Variants in ZBTB32 observed in about 807,000 individuals in gnomAD.
ZBTB32 encodes zinc finger and BTB domain-containing protein 32.
Under a neutral mutation model 45.3 loss-of-function variants are expected in ZBTB32, and 28 were observed. The observed-to-expected ratio is 0.62, with a 90% CI of 0.46 to 0.85. The LOEUF is 0.85. Among genes scored for constraint, ZBTB32 ranks in the 40% least tolerant of loss-of-function variants. The pLI, the probability that ZBTB32 is intolerant of heterozygous loss-of-function variation, is 0.00. For missense variants in ZBTB32, 587 were observed against 624.4 expected, an observed-to-expected ratio of 0.94 and a Z score of 0.64; for synonymous variants, 283 against 255.7, an observed-to-expected ratio of 1.11 and a Z score of -1.02.
chr19:35,707,663 C>A (rs1444839161), intron 1 of ZBTB32, among the ~76,000 whole-genome samples: 1 of 152,034 alleles, frequency 6.6e-6, no homozygotes, highest in South Asian at 2.1e-4. Context: ...CCACCGCACC[C>A]GGCCTGTGTC....
At chr19:35,710,299 T>C (rs1968653507) in intron 1 of ZBTB32, among the ~76,000 whole-genome samples, 1 of 152,196 alleles carries the variant, frequency 6.6e-6, no homozygotes, top group African/African-American at 2.4e-5. Flanking sequence ...CTTCCAATCA[T>C]GCCCTACCTA....
intron 2 of ZBTB32, 66 bp from the exon 3 acceptor site, chr19:35,714,457 C>T: frequency 1.6e-6 from 1 of 626,746 alleles, no homozygotes; most frequent in Non-Finnish European, 2.5e-6. Context: ...ACTTTATTTG[C>T]TCACTCAGGA....
At position 35,716,849 on chromosome 19, in the gene ZBTB32, C is replaced by T; in HGVS notation, c.*97C>T. 6.9e-7 allele frequency: 1 copy of T among 1,445,154 alleles called. No individual in the cohort carries two copies. The highest frequency in any genetic ancestry group is 1.4e-5 in the African/African-American group (1 of 70,952). The allele number at this position is 1,445,154 out of a possible 1,614,324, so 89.5% of individuals were successfully genotyped here. ...TGGCACCGCTGCTACGGCGGCCTAG[C>T]AAATTCCGCCCCAGAAGCGCCCCAG... On this transcript the variant is annotated 3_prime_UTR_variant, in exon 7 of 7. Coordinates refer to ENST00000392197, the MANE Select transcript of ZBTB32 (RefSeq NM_014383.3).
In ZBTB32 at chr19:35,716,310, T is replaced by A; in HGVS notation, c.1189+13T>A. 6.2e-7 allele frequency: 1 copy of A among 1,613,166 alleles called. No homozygotes were observed. Among genetic ancestry groups the A allele is most frequent in the Non-Finnish European group, 8.5e-7 (1 of 1,179,664 alleles). On this transcript the variant is annotated intron_variant, in intron 6 of 6. Transcript: ENST00000392197. ...CGAGTCCACACAGGTATGGGCGCCC[T>A]GCCCTGTGTGAACTGTCGGCTTTCT...
At chr19:35,711,963 C>G (rs1461535108) in intron 1 of ZBTB32, among the ~76,000 whole-genome samples, 2 of 137,974 alleles carry the variant, frequency 1.4e-5, no homozygotes, top group African/African-American at 5.6e-5. Context: ...AGGCAGAGGT[C>G]GCAGTGAGCT....
intron 2 of ZBTB32, chr19:35,714,283 C>T (rs908010651): frequency 3.5e-5 from 7 of 202,296 alleles, no homozygotes; most frequent in African/African-American, 1.6e-4. Flanking sequence ...CAGAGACTGC[C>T]AACTGGCAGA....
intron 1 of ZBTB32, among the ~76,000 whole-genome samples, chr19:35,707,446 T>G (rs1806093286): frequency 6.8e-6 from 1 of 147,796 alleles, no homozygotes; most frequent in Non-Finnish European, 1.5e-5. Flanking sequence ...CTTGGCTCAC[T>G]GCAACCTCCG....
chr19:35,707,195 TAAAAA>T (rs537947581), intron 1 of ZBTB32, among the ~76,000 whole-genome samples: 3 of 105,934 alleles, frequency 2.8e-5, no homozygotes, highest in Admixed American at 1.1e-4. Flanking sequence ...ACTGTGTCTC[TAAAAA>T]AAAAAAAAAA....
chr19:35,711,948 CT>C (rs1405734381), intron 1 of ZBTB32, among the ~76,000 whole-genome samples: 1 of 139,232 alleles, frequency 7.2e-6, no homozygotes, highest in Non-Finnish European at 1.5e-5. Flanking sequence ...TCGCTTGAAC[CT>C]GGGAGGCAGA....
intron 1 of ZBTB32, among the ~76,000 whole-genome samples, chr19:35,706,887 G>A (rs570980261): frequency 2.0e-5 from 3 of 152,202 alleles, no homozygotes; most frequent in Non-Finnish European, 2.9e-5. Flanking sequence ...TTAACCAGGG[G>A]TGAGGGTGCA....
chr19:35,709,112 G>A (rs769735439), intron 1 of ZBTB32, among the ~76,000 whole-genome samples: 3 of 152,116 alleles, frequency 2.0e-5, no homozygotes, highest in Non-Finnish European at 2.9e-5. Flanking sequence ...GAGCCACTGC[G>A]CCTGGCGAAA....
chr19:35,715,372 G>A lies in ZBTB32; in HGVS notation c.746G>A (p.Trp249Ter), dbSNP rs774222004. ...LQTSVTPRPS[W>*]AEAPWLVGGQ... is the part of the protein sequence containing the mutation. Reference sequence around the variant, plus strand: ...ACCAGCGTCACCCCTAGGCCCTCGTGGGCTGAGGCCCCTTGGTTGGTGGGG... The same window carrying A: ...ACCAGCGTCACCCCTAGGCCCTCGTAGGCTGAGGCCCCTTGGTTGGTGGGG... Residue 249 changes from tryptophan to a stop codon, truncating the protein, a stop_gained, in exon 3 of 7, where the codon TGG (tryptophan) becomes TAG (stop). Coordinates refer to ENST00000392197, the MANE Select transcript of ZBTB32 (RefSeq NM_014383.3). LOFTEE classifies it high-confidence loss of function. 1 of 1,612,068 alleles carries A rather than the reference G, an allele frequency of 6.2e-7. No individual in the cohort carries two copies. The highest frequency in any genetic ancestry group is 8.5e-7 in the Non-Finnish European group (1 of 1,179,362).
chr19:35,713,290 G>A (rs1358022973), intron 2 of ZBTB32: 3 of 152,242 alleles, frequency 2.0e-5, no homozygotes, highest in Admixed American at 6.5e-5. Flanking sequence ...AGAAGGCAGA[G>A]GCAGGGTTAG....
rs375908422 is a variant in ZBTB32 at position 35,715,042 on chromosome 19, A to G, written c.416A>G (p.Glu139Gly). Reference protein sequence around the residue: ...EEPEKPSRNPERELGDPGEKQ... With the variant: ...EEPEKPSRNPGRELGDPGEKQ... ...CCAGAGAAACCCTCAAGGAATCCTG[A>G]GAGAGAACTGGGGGACCCTGGAGAG... Residue 139 changes from glutamate (E) to glycine (G), a missense_variant, in exon 3 of 7, where the codon GAG becomes GGG. Coordinates refer to ENST00000392197, the MANE Select transcript of ZBTB32 (RefSeq NM_014383.3). The G allele has an allele frequency of 6.2e-7, 1 of 1,613,394 alleles. No individual in the cohort carries two copies. The highest frequency in any genetic ancestry group is 8.5e-7 in the Non-Finnish European group (1 of 1,179,864).
At chr19:35,708,378 G>T (rs944433813) in intron 1 of ZBTB32, among the ~76,000 whole-genome samples, 2 of 152,146 alleles carry the variant, frequency 1.3e-5, no homozygotes, top group African/African-American at 4.8e-5. Context: ...TTCCGGGTAG[G>T]CACTTTCTAG....
chr19:35,716,581 C>A lies in ZBTB32; in HGVS notation c.1293C>A (p.Ser431=), dbSNP rs749335214. The change falls in exon 7 of 7, where the codon TCC becomes TCA. Residue 431 remains serine (S), a synonymous_variant. Coordinates refer to ENST00000392197, the MANE Select transcript of ZBTB32 (RefSeq NM_014383.3). ...ACGGGGCCGCTCCGTACCGCTGCTC[C>A]CTGTGCGGGGCCGGCTGTCCCAGCC... ...RTHGAAPYRC[S]LCGAGCPSLA... 6.2e-7 allele frequency: 1 copy of A among 1,613,304 alleles called. No homozygotes were observed. Among genetic ancestry groups the A allele is most frequent in the Non-Finnish European group, 8.5e-7 (1 of 1,179,926 alleles).
In ZBTB32 at chr19:35,715,065, G is replaced by A; in HGVS notation, c.439G>A (p.Glu147Lys). 6.2e-7 allele frequency: 1 copy of A among 1,613,950 alleles called. No homozygotes were observed. The highest frequency in any genetic ancestry group is 8.5e-7 in the Non-Finnish European group (1 of 1,180,008). Residue 147 changes from glutamate to lysine, a missense_variant, in exon 3 of 7, where the codon GAG becomes AAG. Coordinates refer to ENST00000392197, the MANE Select transcript of ZBTB32 (RefSeq NM_014383.3). ...NPERELGDPG[E>K]KQKPEQVSRT... ...TGAGAGAGAACTGGGGGACCCTGGAGAGAAGCAGAAACCAGAACAGGTTTC... is the reference window on the plus strand; with the variant it reads ...TGAGAGAGAACTGGGGGACCCTGGAAAGAAGCAGAAACCAGAACAGGTTTC...
At chr19:35,711,135 A>G (rs1434214029) in intron 1 of ZBTB32, among the ~76,000 whole-genome samples, 4 of 152,142 alleles carry the variant, frequency 2.6e-5, no homozygotes, top group Non-Finnish European at 5.9e-5. Context: ...TCGATCATCA[A>G]TGAGCAAACC....
rs1450982159 is a variant in ZBTB32 at position 35,716,476 on chromosome 19, A to C, written c.1190-2A>C. ...ACCGGCCTCCCCTTCCGACCGCTCT[A>C]GGAGAGAAGCCCTTCTCCTGTAGCC... On this transcript the variant is annotated splice_acceptor_variant, in intron 6 of 6. Transcript: ENST00000392197. LOFTEE classifies it high-confidence loss of function. The C allele has an allele frequency of 1.9e-6, 3 of 1,604,292 alleles. No individual in the cohort carries two copies. The highest frequency in any genetic ancestry group is 2.6e-6 in the Non-Finnish European group (3 of 1,173,540).
Sources: allele counts gnomAD v4.1 joint callset (sites outside exome capture counted in the v4.1 genomes callset), GRCh38; gene constraint gnomAD v4.1.1; transcripts MANE v1.5; gene names NCBI Gene and HGNC (gene_info 2026-07-23, HGNC 2026-07-21).